Variants in PRKN observed in about 807,000 individuals in gnomAD.
PRKN encodes E3 ubiquitin-protein ligase parkin.
A neutral mutation model predicts 59.5 loss-of-function variants in PRKN; 56 were observed. That is an observed-to-expected ratio of 0.94 (90% CI 0.76 to 1.18). The LOEUF (loss-of-function observed/expected upper bound fraction) is 1.18. Ranked by LOEUF, PRKN falls within the 50% of genes most tolerant of loss-of-function variation. The pLI is 0.00. For missense variants in PRKN, 657 were observed against 596.4 expected (o/e 1.10, Z -1.06); for synonymous variants, 250 against 222.1 (o/e 1.13, Z -1.12).
At chr6:162,550,040 T>C (rs947805286) in intron 1 of PRKN, among the ~76,000 whole-genome samples, 1 of 152,052 alleles carries the variant, frequency 6.6e-6, no homozygotes, top group African/African-American at 2.4e-5. Flanking sequence ...TTTATAGAGG[T>C]GGTAAAATTT....
intron 2 of PRKN, among the ~76,000 whole-genome samples, chr6:162,324,960 T>C (rs558489290): frequency 6.6e-6 from 1 of 152,136 alleles, no homozygotes; most frequent in African/African-American, 2.4e-5. Flanking sequence ...ATTACTACTG[T>C]TGCTTTAATC....
chr6:162,252,699 A>G (rs1004176788), intron 3 of PRKN, among the ~76,000 whole-genome samples: 21 of 152,338 alleles, frequency 1.4e-4, no homozygotes, highest in Admixed American at 8.5e-4. Context: ...CATCAGCTTT[A>G]AAGGTGCCTT....
chr6:161,677,686 A>T (rs1279962000), intron 7 of PRKN, among the ~76,000 whole-genome samples: 2 of 152,212 alleles, frequency 1.3e-5, no homozygotes, highest in African/African-American at 4.8e-5. Context: ...TATGATCCTG[A>T]GGTTGAAATT....
intron 2 of PRKN, among the ~76,000 whole-genome samples, chr6:162,306,205 T>A (rs1301441307): frequency 1.3e-5 from 2 of 152,164 alleles, no homozygotes; most frequent in African/African-American, 2.4e-5. Context: ...CTAGTCTACA[T>A]AACAAAAGAT....
At chr6:161,918,715 C>T (rs1248788968) in intron 6 of PRKN, among the ~76,000 whole-genome samples, 2 of 152,124 alleles carry the variant, frequency 1.3e-5, no homozygotes, top group East Asian at 1.9e-4. Flanking sequence ...AGCCAGTGCA[C>T]GGCATGACTA....
At chr6:162,227,138 A>G (rs1778216669) in intron 3 of PRKN, among the ~76,000 whole-genome samples, 1 of 152,196 alleles carries the variant, frequency 6.6e-6, no homozygotes, top group Non-Finnish European at 1.5e-5. Context: ...TGGGACTTGC[A>G]TACAGTCTTC....
intron 7 of PRKN, among the ~76,000 whole-genome samples, chr6:161,744,993 G>A (rs1788355335): frequency 6.6e-6 from 1 of 152,124 alleles, no homozygotes; most frequent in African/African-American, 2.4e-5. Flanking sequence ...AGAAAGCAGA[G>A]GTACAGAAAA....
intron 4 of PRKN, among the ~76,000 whole-genome samples, chr6:162,067,783 C>G (rs935472169): frequency 2.2e-4 from 33 of 152,198 alleles, no homozygotes; most frequent in African/African-American, 8.0e-4. Flanking sequence ...GCCTTTTTTA[C>G]AGATGGAGAG....
intron 5 of PRKN, among the ~76,000 whole-genome samples, chr6:162,034,603 A>G (rs1783770387): frequency 6.6e-6 from 1 of 152,224 alleles, no homozygotes; most frequent in South Asian, 2.1e-4. Context: ...TATGATGAAG[A>G]ACACTTTGGT....
At chr6:162,624,839 G>A (rs1306585709) in intron 1 of PRKN, among the ~76,000 whole-genome samples, 1 of 152,168 alleles carries the variant, frequency 6.6e-6, no homozygotes, top group Non-Finnish European at 1.5e-5. Flanking sequence ...TTTTCAAGAA[G>A]AGAACACAGC....
At position 161,395,783 on chromosome 6, in the gene PRKN, A is replaced by G. The variant is rs1786727022; in HGVS notation, c.1084-8906T>C. Among the ~76,000 whole-genome samples the G allele has an allele frequency of 6.6e-6, 1 of 152,198 alleles. No homozygotes were observed. Among genetic ancestry groups the G allele is most frequent in the African/African-American group, 2.4e-5 (1 of 41,442 alleles). On this transcript the variant is annotated intron_variant, in intron 9 of 11. Transcript: ENST00000366898. This position sits in a 1 kb window ranked among gnomAD's most constrained non-coding sequence, Gnocchi z 5.0. Reference sequence around the variant, plus strand: ...TCTACACAGCCAAAGCTGGGTCAGGAGTGGCCTGTGGTCAGGCTCACTCTG... The same window carrying G: ...TCTACACAGCCAAAGCTGGGTCAGGGGTGGCCTGTGGTCAGGCTCACTCTG...
At chr6:162,422,614 C>T (rs2128159863) in intron 2 of PRKN, among the ~76,000 whole-genome samples, 1 of 152,220 alleles carries the variant, frequency 6.6e-6, no homozygotes, top group Admixed American at 6.5e-5. Context: ...GCTCAGGTAT[C>T]TGCTACTTTT....
chr6:161,585,243 C>T (rs1244381089), intron 7 of PRKN, among the ~76,000 whole-genome samples: 1 of 152,170 alleles, frequency 6.6e-6, no homozygotes, highest in Non-Finnish European at 1.5e-5. Context: ...ATGTGCTACA[C>T]ATTGTACAAG....
chr6:162,223,574 T>C (rs990958610), intron 3 of PRKN, among the ~76,000 whole-genome samples: 4 of 151,800 alleles, frequency 2.6e-5, no homozygotes, highest in African/African-American at 7.3e-5. Flanking sequence ...TTGACATCTA[T>C]ACGTATGTGT....
At position 162,186,367 on chromosome 6, in the gene PRKN, C is replaced by T. The variant is rs77977813; in HGVS notation, c.534+14764G>A. On this transcript the variant is annotated intron_variant, in intron 4 of 11. Coordinates refer to ENST00000366898, the MANE Select transcript of PRKN (RefSeq NM_004562.3). ...AGCCAAATCAAGCAGAAAGTACATCCTTTTCTTCCAAACATGGGCTATTTT... is the reference window on the plus strand; with the variant it reads ...AGCCAAATCAAGCAGAAAGTACATCTTTTTCTTCCAAACATGGGCTATTTT... Among the ~76,000 whole-genome samples the T allele has an allele frequency of 8.5e-3, 1,283 of 151,282 alleles. 22 individuals carry two copies. Among genetic ancestry groups the T allele is most frequent in the African/African-American group, 0.03 (1,221 of 41,162 alleles).
chr6:161,544,504 TTATTCA>T lies in PRKN; in HGVS notation c.1083+4344_1083+4349del, dbSNP rs1779726859. Among the ~76,000 whole-genome samples the T allele has an allele frequency of 8.1e-6, 1 of 124,204 alleles. No homozygotes were observed. The highest frequency in any genetic ancestry group is 3.4e-5 in the African/African-American group (1 of 29,614). The allele number at this position is 124,204 out of a possible 152,430, so 81.5% of individuals were successfully genotyped here. A position where few individuals can be genotyped will look rare whatever the true frequency, so the allele number is the denominator to read the frequency against. ...ATTAAGATTCACTCAACCATTTATT[TTATTCA>T]TTCATTCATTCATTCATTCATTCAT... On this transcript the variant is annotated intron_variant, in intron 9 of 11. Coordinates refer to ENST00000366898, the MANE Select transcript of PRKN (RefSeq NM_004562.3). The surrounding 1 kb of genome is among the most constrained non-coding windows in gnomAD (Gnocchi z 5.5).
chr6:162,708,355 ATAGAAG>A (rs2095145655), intron 1 of PRKN, among the ~76,000 whole-genome samples: 1 of 152,240 alleles, frequency 6.6e-6, no homozygotes, highest in Non-Finnish European at 1.5e-5. Flanking sequence ...ATTCAAGATA[ATAGAAG>A]TAGAAATCAT....
At chr6:162,692,737 T>G (rs993155104) in intron 1 of PRKN, among the ~76,000 whole-genome samples, 1 of 152,224 alleles carries the variant, frequency 6.6e-6, no homozygotes, top group African/African-American at 2.4e-5. Flanking sequence ...CTGACTCTGT[T>G]CTATGTCCCT....
At position 162,440,280 on chromosome 6, in the gene PRKN, G is replaced by T. The variant is rs76477083; in HGVS notation, c.171+3030C>A. Among the ~76,000 whole-genome samples the T allele has an allele frequency of 2.7e-3, 411 of 152,246 alleles. 6 individuals are homozygous for T. Among genetic ancestry groups the T allele is most frequent in the South Asian group, 0.024 (117 of 4,826 alleles). On this transcript the variant is annotated intron_variant, in intron 2 of 11. Coordinates refer to ENST00000366898, the MANE Select transcript of PRKN (RefSeq NM_004562.3). ...CTGAAAATTCTATGAAAATTTTTTA[G>T]ATGTGACATCAATTCTATTATAATC...
Sources: allele counts gnomAD v4.1 joint callset (sites outside exome capture counted in the v4.1 genomes callset), GRCh38; gene constraint gnomAD v4.1.1; non-coding constraint Gnocchi (gnomAD v3.1); transcripts MANE v1.5; gene names NCBI Gene and HGNC (gene_info 2026-07-23, HGNC 2026-07-21).